Variants in AOAH observed in about 807,000 individuals in gnomAD.
The protein encoded by AOAH is acyloxyacyl hydrolase, also known as acyloxyacyl hydrolase (neutrophil).
A neutral mutation model predicts 92.2 loss-of-function variants in AOAH; 64 were observed. The observed-to-expected ratio is 0.69, with a 90% CI of 0.57 to 0.86. The LOEUF is 0.86. AOAH is among the 40% of genes least tolerant of loss of function. AOAH has a pLI of 0.00. For missense variants in AOAH, 656 were observed against 694.6 expected (o/e 0.94, Z 0.62); for synonymous variants, 263 against 254.5 (o/e 1.03, Z -0.32).
chr7:36,573,624 A>AGGGG (rs1293928114), intron 13 of AOAH, among the ~76,000 whole-genome samples: 3 of 152,106 alleles, frequency 2.0e-5, no homozygotes, highest in Non-Finnish European at 4.4e-5. Flanking sequence ...AGGCTGAGGT[A>AGGGG]GGGGGATTGC....
At chr7:36,633,465 G>T (rs144035936) in intron 5 of AOAH, among the ~76,000 whole-genome samples, 1 of 152,174 alleles carries the variant, frequency 6.6e-6, no homozygotes, top group Non-Finnish European at 1.5e-5. Flanking sequence ...TTTTAACAAC[G>T]TCCCCAGGAT....
chr7:36,616,304 T>A, intron 11 of AOAH, 76 bp downstream of exon 11: 4 of 1,194,196 alleles, frequency 3.3e-6, no homozygotes, highest in Non-Finnish European at 4.9e-6. Flanking sequence ...GGAGTTGGCA[T>A]CCCATTTAGA....
intron 10 of AOAH, among the ~76,000 whole-genome samples, chr7:36,617,286 GTGGGA>G (rs775422834): frequency 6.6e-6 from 1 of 152,236 alleles, no homozygotes; most frequent in Non-Finnish European, 1.5e-5. Flanking sequence ...CACAGGGAGA[GTGGGA>G]TGTGGGGAAT....
At chr7:36,709,954 A>G (rs1315875585) in intron 1 of AOAH, among the ~76,000 whole-genome samples, 1 of 152,168 alleles carries the variant, frequency 6.6e-6, no homozygotes, top group Non-Finnish European at 1.5e-5. Flanking sequence ...ATTCATGTCT[A>G]TTTGGTGAAT....
chr7:36,666,649 T>TAGAA (rs1308170562), intron 3 of AOAH, among the ~76,000 whole-genome samples: 8 of 152,102 alleles, frequency 5.3e-5, no homozygotes, highest in Non-Finnish European at 1.2e-4. Context: ...TTTCTTAAGG[T>TAGAA]AGAAGCTTAG....
intron 20 of AOAH, among the ~76,000 whole-genome samples, chr7:36,514,856 G>A (rs557538677): frequency 6.6e-6 from 1 of 152,086 alleles, no homozygotes; most frequent in Admixed American, 6.5e-5. Flanking sequence ...TTGAGTGGGC[G>A]ACAGAAAGTG....
chr7:36,589,071 T>C (rs1789559834), intron 12 of AOAH, among the ~76,000 whole-genome samples: 1 of 152,158 alleles, frequency 6.6e-6, no homozygotes, highest in Admixed American at 6.5e-5. Flanking sequence ...AAGCTCTGAT[T>C]GCTGCCCTGT....
chr7:36,519,922 C>T (rs916133450), intron 20 of AOAH, among the ~76,000 whole-genome samples: 2 of 152,230 alleles, frequency 1.3e-5, no homozygotes, highest in Non-Finnish European at 2.9e-5. Flanking sequence ...CTGCACTTGA[C>T]ACTGGGTAGT....
rs190066360 is a variant in AOAH at position 36,691,263 on chromosome 7, T to C, written c.128-4469A>G. The stretch of plus-strand genomic sequence containing the variant: ...ATGGAGGCTGAGTGGATAAGTACCT[T>C]GCCAAGTATACAGCTAGTAACAGGG... On this transcript the variant is annotated intron_variant, in intron 1 of 20. Transcript: ENST00000617537. 4.6e-5 allele frequency among the ~76,000 whole-genome samples: 7 copies of C among 152,312 alleles called. No individual in the cohort carries two copies. The East Asian group carries it at 1.3e-3, about 29-fold the overall frequency.
intron 1 of AOAH, among the ~76,000 whole-genome samples, chr7:36,723,219 G>C (rs1171815662): frequency 6.6e-6 from 1 of 152,068 alleles, no homozygotes; most frequent in Non-Finnish European, 1.5e-5. Context: ...AGAGTTCTGA[G>C]TCTATGTGGC....
At chr7:36,648,268 A>T (rs2116417962) in intron 4 of AOAH, among the ~76,000 whole-genome samples, 1 of 152,322 alleles carries the variant, frequency 6.6e-6, no homozygotes, top group Non-Finnish European at 1.5e-5. Flanking sequence ...CACCATCAGA[A>T]CTTTGTGAAG....
chr7:36,700,270 C>G (rs1259643878), intron 1 of AOAH, among the ~76,000 whole-genome samples: 1 of 151,888 alleles, frequency 6.6e-6, no homozygotes. Context: ...TTTCGTGTAA[C>G]CATCACCCAA....
rs562198634 is a variant in AOAH at position 36,602,457 on chromosome 7, T to TC, written c.847-8028dup. Among the ~76,000 whole-genome samples the TC allele has an allele frequency of 1.8e-3, 271 of 151,522 alleles. 1 individual carries two copies. The highest frequency in any genetic ancestry group is 6.2e-3 in the African/African-American group (256 of 41,128). On this transcript the variant is annotated intron_variant, in intron 11 of 20. Coordinates refer to ENST00000617537, the MANE Select transcript of AOAH (RefSeq NM_001637.4). Reference sequence around the variant, plus strand: ...TTCCTTCCATTGTTTTTTTTTTTTTTCATCCCCTAGGGTGATTGAACTTTT... The same window carrying TC: ...TTCCTTCCATTGTTTTTTTTTTTTTTCCATCCCCTAGGGTGATTGAACTTTT...
intron 1 of AOAH, among the ~76,000 whole-genome samples, chr7:36,720,050 G>T (rs1431801383): frequency 6.6e-6 from 1 of 152,072 alleles, no homozygotes; most frequent in Non-Finnish European, 1.5e-5. Context: ...CTTTCAGCAA[G>T]CAGGTGAATG....
At chr7:36,648,521 T>C (rs569673567) in intron 4 of AOAH, among the ~76,000 whole-genome samples, 2 of 152,308 alleles carry the variant, frequency 1.3e-5, no homozygotes, top group South Asian at 4.1e-4. Flanking sequence ...ATTTGTCTTT[T>C]GACTTTGTGA....
intron 16 of AOAH, among the ~76,000 whole-genome samples, 181 bp from the exon 17 acceptor site, chr7:36,532,525 A>T: frequency 6.6e-6 from 1 of 152,162 alleles, no homozygotes; most frequent in East Asian, 1.9e-4. Flanking sequence ...GCCTCTAGAA[A>T]TTCAGACCCA....
chr7:36,681,758 G>A lies in AOAH; in HGVS notation c.223+4941C>T, dbSNP rs189381111. Among the ~76,000 whole-genome samples the A allele has an allele frequency of 3.3e-5, 5 of 152,150 alleles. No individual in the cohort carries two copies. In the East Asian group the frequency reaches 5.8e-4, roughly 18 times the overall value. ...AGAGGTTGCAGTGAGCCGAGATTGC[G>A]CCACTGCACCTCAGCCTGGGTGACA... On this transcript the variant is annotated intron_variant, in intron 2 of 20. Transcript: ENST00000617537.
intron 2 of AOAH, among the ~76,000 whole-genome samples, chr7:36,675,218 T>C (rs1796175053): frequency 6.6e-6 from 1 of 152,222 alleles, no homozygotes; most frequent in Non-Finnish European, 1.5e-5. Context: ...ATCGTGCCAT[T>C]GCACTCCAGC....
At chr7:36,547,258 G>A (rs1169770270) in intron 15 of AOAH, among the ~76,000 whole-genome samples, 2 of 152,208 alleles carry the variant, frequency 1.3e-5, no homozygotes, top group African/African-American at 4.8e-5. Context: ...CCAACTTGGG[G>A]TTCTGGGGAC....
Sources: gnomAD v4.1 joint callset for allele counts (sites outside exome capture counted in the v4.1 genomes callset) on GRCh38, gnomAD v4.1.1 for gene constraint, MANE v1.5 for transcripts, NCBI Gene and HGNC (gene_info 2026-07-23, HGNC 2026-07-21) for gene names.